GPR143: variants seen among roughly 807,000 people sequenced by gnomAD.
GPR143 encodes the protein G protein-coupled receptor 143, also known as G-protein coupled receptor 143.
A neutral mutation model predicts 27.6 loss-of-function variants in GPR143; 8 were observed. The ratio of observed to expected loss-of-function variants is 0.29; its 90% CI spans 0.17 to 0.52. The LOEUF (loss-of-function observed/expected upper bound fraction) is 0.52. GPR143 is among the 20% of genes least tolerant of loss of function. The probability of loss-of-function intolerance (pLI) is 0.96; values close to 1 mark genes in which losing one functional copy is unlikely to be tolerated. For missense variants in GPR143, 303 were observed against 343.1 expected (o/e 0.88, Z 0.92); for synonymous variants, 156 against 153.2 (o/e 1.02, Z -0.13).
chrX:9,741,197 T>G, intron 7 of GPR143, 141 bp downstream of exon 7: 1 of 423,049 alleles, frequency 2.4e-6, no homozygotes, highest in Non-Finnish European at 4.2e-6. Flanking sequence ...GACAGAGGAT[T>G]GCTTGAGCCC....
intron 1 of GPR143, among the ~76,000 whole-genome samples, chrX:9,764,860 C>G (rs373436028): frequency 1.2e-4 from 13 of 109,846 alleles, no homozygotes; most frequent in African/African-American, 3.6e-4. Flanking sequence ...AACTCCGTCT[C>G]TACTAAAAAT....
chrX:9,774,324 T>C (rs2083564164), intron 1 of GPR143, among the ~76,000 whole-genome samples: 1 of 110,214 alleles, frequency 9.1e-6, no homozygotes, highest in Non-Finnish European at 1.9e-5. Flanking sequence ...TAGTTCCTTG[T>C]CACATGGGCC....
chrX:9,740,621 C>G (rs73484563), intron 7 of GPR143, among the ~76,000 whole-genome samples: 4,235 of 111,517 alleles, frequency 0.038, 212 homozygotes, highest in African/African-American at 0.13. Context: ...TTTTTCTGTA[C>G]TTGTAATTGG....
intron 1 of GPR143, among the ~76,000 whole-genome samples, chrX:9,778,427 C>T (rs989444112): frequency 1.5e-5 from 1 of 67,035 alleles, no homozygotes; most frequent in Non-Finnish European, 3.5e-5. Context: ...CTGATCCCCT[C>T]GCTCATGCTC....
rs780000741 is a variant in GPR143, at chrX:9,730,184, A to G, written c.1121-4344T>C. Among the ~76,000 whole-genome samples, 3 of 112,049 alleles carry G rather than the reference A, an allele frequency of 2.7e-5. No homozygotes were observed. In the East Asian group the frequency reaches 8.4e-4, roughly 32 times the overall value. On this transcript the variant is annotated intron_variant, in intron 8 of 8. Transcript: ENST00000467482. ...GCCTAACATGCATTTCTCAGAATGT[A>G]TCCTCATCGTTAAGTGTTGCATGAC...
upstream of GPR143, among the ~76,000 whole-genome samples, chrX:9,769,240 TCA>T (rs765438624): frequency 1.8e-5 from 2 of 111,884 alleles, no homozygotes; most frequent in East Asian, 5.6e-4. Flanking sequence ...CTCTCCATTT[TCA>T]CAGTTTGGGC....
chrX:9,749,161 C>A (rs1182103170), intron 3 of GPR143, among the ~76,000 whole-genome samples: 1 of 111,527 alleles, frequency 9.0e-6, no homozygotes, highest in African/African-American at 3.3e-5. Flanking sequence ...CGGTTTCCCC[C>A]ATGCTGTTCT....
chrX:9,758,298 C>T (rs1018875773), intron 3 of GPR143, among the ~76,000 whole-genome samples: 1 of 111,952 alleles, frequency 8.9e-6, no homozygotes, highest in Non-Finnish European at 1.9e-5. Flanking sequence ...CAAGAGCTGG[C>T]AACGTTTCAG....
intron 3 of GPR143, among the ~76,000 whole-genome samples, chrX:9,749,860 G>C (rs143293730): frequency 1.3e-3 from 146 of 112,092 alleles, no homozygotes; most frequent in African/African-American, 4.5e-3. Context: ...TGTCTCCTGA[G>C]CTCAAGCAAT....
At chrX:9,738,647 G>A (rs928497556) in intron 8 of GPR143, 18 of 273,065 alleles carry the variant, frequency 6.6e-5, no homozygotes, top group Admixed American at 3.7e-4. Context: ...TTTTTTAGAC[G>A]GGGCTTCACT....
chrX:9,765,857 C>G, upstream of GPR143: 1 of 1,034,098 alleles, frequency 9.7e-7, no homozygotes, highest in Non-Finnish European at 1.2e-6. Context: ...TGCCAGGACC[C>G]CGCCGGCCTG....
At chrX:9,759,536 G>A (rs777116393) in intron 2 of GPR143, 110 bp from the exon 3 acceptor site, 58 of 536,113 alleles carry the variant, frequency 1.1e-4, no homozygotes, top group Non-Finnish European at 1.7e-4. Context: ...TCAGGAAGCC[G>A]CACGTGACAG....
rs150915415 is a variant in GPR143 at position 9,760,721 on chromosome X, C to T, written c.356G>A (p.Ser119Asn). 31 of 1,140,358 alleles carry T rather than the reference C, an allele frequency of 2.7e-5. No homozygotes were observed. The African/African-American group carries it at 5.6e-4, about 20-fold the overall frequency. The allele number at this position is 1,140,358 out of a possible 1,213,427, so 94.0% of individuals were successfully genotyped here. A position where few individuals can be genotyped will look rare whatever the true frequency, so the allele number is the denominator to read the frequency against. The change falls in exon 2 of 9, where the codon AGT becomes AAT. Residue 119 changes from serine to asparagine, a missense_variant. Coordinates refer to ENST00000467482, the MANE Select transcript of GPR143 (RefSeq NM_000273.3). The stretch of plus-strand genomic sequence containing the variant: ...ATGCAGAGGGGGTGGACTCACCGCA[C>T]TCCCCACGCAGAAAGCAGCAGGCCA... ...EIWPAAFCVG[S>N]AMWIQLLYSA...
At chrX:9,731,590 C>T (rs888475205) in intron 8 of GPR143, among the ~76,000 whole-genome samples, 1 of 109,644 alleles carries the variant, frequency 9.1e-6, no homozygotes, top group African/African-American at 3.3e-5. Context: ...TGGGAGAGAA[C>T]AGAAAAATGT....
Position 9,765,633 on chromosome X carries a change from G to A in GPR143, c.185C>T (p.Thr62Met), listed in dbSNP as rs1281289432. The A allele has an allele frequency of 2.0e-6, 2 of 984,346 alleles. No homozygotes were observed. The highest frequency in any genetic ancestry group is 2.5e-6 in the Non-Finnish European group (2 of 786,943). The allele number at this position is 984,346 out of a possible 1,213,427, so 81.1% of individuals were successfully genotyped here. A position where few individuals can be genotyped will look rare whatever the true frequency, so the allele number is the denominator to read the frequency against. ...RRPAGPGSPA[T>M]SPPASVRILR... ...GATGCGGACCGAGGCCGGCGGGGAC[G>A]TCGCGGGGGACCCGGGGCCCGCGGG... Residue 62 changes from threonine (T) to methionine (M), a missense_variant, in exon 1 of 9, where the codon ACG (threonine) becomes ATG (methionine). Physicochemically the swap from Thr to Met is moderately conservative, Grantham distance 81 (BLOSUM62 -1). Coordinates refer to ENST00000467482, the MANE Select transcript of GPR143 (RefSeq NM_000273.3).
chrX:9,729,087 C>T (rs957515327), intron 8 of GPR143, among the ~76,000 whole-genome samples: 12 of 110,660 alleles, frequency 1.1e-4, no homozygotes, highest in South Asian at 3.9e-4. Flanking sequence ...TCTGGGTAGC[C>T]GACAAGGATG....
chrX:9,741,801 G>T (rs901693813), intron 6 of GPR143, among the ~76,000 whole-genome samples: 1 of 111,638 alleles, frequency 9.0e-6, no homozygotes. Flanking sequence ...GCTGGGGTGG[G>T]AGGATCGCTT....
intron 1 of GPR143, 51 bp downstream of exon 1, chrX:9,765,517 C>G: frequency 9.5e-7 from 1 of 1,053,097 alleles, no homozygotes; most frequent in Non-Finnish European, 1.2e-6. Context: ...GCCACGCGCC[C>G]TCACCCAGGC....
At chrX:9,741,280 C>T (rs911929965) in intron 7 of GPR143, 58 bp downstream of exon 7, 20 of 530,069 alleles carry the variant, frequency 3.8e-5, no homozygotes, top group African/African-American at 1.2e-4. Context: ...GAGACCTTGT[C>T]TCTGAAGCAA....
Sources: gnomAD v4.1 joint callset for allele counts (sites outside exome capture counted in the v4.1 genomes callset) on GRCh38, gnomAD v4.1.1 for gene constraint, MANE v1.5 for transcripts, NCBI Gene and HGNC (gene_info 2026-07-23, HGNC 2026-07-21) for gene names.